Variants in SMARCB1 observed in about 807,000 individuals in gnomAD.
SMARCB1 encodes the protein SWI/SNF-related matrix-associated actin-dependent regulator of chromatin subfamily B member 1.
In SMARCB1, 5 loss-of-function variants were observed where a neutral mutation model predicts 49.0. The ratio of observed to expected loss-of-function variants is 0.10; its 90% CI spans 0.05 to 0.21. The LOEUF (loss-of-function observed/expected upper bound fraction) is 0.21, where lower values mean the gene tolerates loss of function less well. Ranked by LOEUF, SMARCB1 falls within the 10% of genes least tolerant of loss-of-function variation. SMARCB1 has a pLI of 1.00. For synonymous variants in SMARCB1, 201 were observed against 200.1 expected (o/e 1.00, Z -0.04); for missense variants, 226 against 509.2 (o/e 0.44, Z 5.35).
chr22:23,793,264 C>T (rs577847537), intron 2 of SMARCB1: 11 of 470,792 alleles, frequency 2.3e-5, no homozygotes, highest in Non-Finnish European at 3.9e-5. Context: ...GCTGGTCGTG[C>T]TGTATTGTAG....
At chr22:23,821,856 C>T (rs886775181) in intron 6 of SMARCB1, among the ~76,000 whole-genome samples, 13 of 146,432 alleles carry the variant, frequency 8.9e-5, no homozygotes, top group African/African-American at 3.0e-4. Flanking sequence ...CTCACTGACT[C>T]TGTCTCAAAA....
At position 23,822,373 on chromosome 22, in the gene SMARCB1, C is replaced by T. The variant is rs190167114; in HGVS notation, c.796-2852C>T. Among the ~76,000 whole-genome samples the T allele has an allele frequency of 6.6e-5, 10 of 152,292 alleles. No homozygotes were observed. In the East Asian group the frequency reaches 1.9e-3, roughly 29 times the overall value. ...TCAGGGCTGGGGAGGTGGGCAGGGG[C>T]CTGGCCCTGCTGTGCACCTGCTTGG... On this transcript the variant is annotated intron_variant, in intron 6 of 8. Transcript: ENST00000644036.
At chr22:23,802,598 C>G (rs1353257303) in intron 4 of SMARCB1, 1 of 161,884 alleles carries the variant, frequency 6.2e-6, no homozygotes, top group African/African-American at 2.4e-5. Flanking sequence ...GCTCACTTTT[C>G]TCTGTCTTCC....
chr22:23,795,082 A>C (rs907193419), intron 3 of SMARCB1, among the ~76,000 whole-genome samples: 3 of 152,126 alleles, frequency 2.0e-5, no homozygotes, highest in Admixed American at 6.5e-5. Context: ...AGTACAAGGG[A>C]GTAAACAAAC....
At chr22:23,816,988 GTCA>G (rs778091406) in intron 6 of SMARCB1, 52 bp downstream of exon 6, 3 of 1,488,312 alleles carry the variant, frequency 2.0e-6, no homozygotes, top group South Asian at 2.3e-5. Flanking sequence ...CAGGGTGGGT[GTCA>G]TCATGGAGCA....
chr22:23,815,497 G>A (rs4413253), intron 5 of SMARCB1: 67,419 of 151,854 alleles, frequency 0.44, 16,109 homozygotes, highest in Admixed American at 0.55. Context: ...TAGCGCCACT[G>A]CACTCCATCC....
intron 3 of SMARCB1, among the ~76,000 whole-genome samples, chr22:23,796,273 G>A (rs1183936414): frequency 7.2e-5 from 11 of 152,172 alleles, no homozygotes; most frequent in Non-Finnish European, 1.2e-4. Context: ...ATATGGAGTC[G>A]CTTAAGTATC....
chr22:23,808,691 G>A (rs1052328116), intron 5 of SMARCB1, among the ~76,000 whole-genome samples: 23 of 150,798 alleles, frequency 1.5e-4, no homozygotes, highest in African/African-American at 5.6e-4. Context: ...GAACGATATT[G>A]GACATTCTTT....
chr22:23,816,109 GCAAGGC>G (rs573633878), intron 5 of SMARCB1: 117 of 153,802 alleles, frequency 7.6e-4, no homozygotes, highest in Middle Eastern at 6.8e-3. Context: ...GCTTATTCCT[GCAAGGC>G]GTCTTGTCAG....
Position 23,836,512 on chromosome 22 carries a change from T to C in SMARCB1, c.*2332T>C. ...GCCCAAGGCCCTGGTGGGGCCAGGA[T>C]GAGAACCCTGAGCCTGTCACCTGTG... is the stretch of plus-strand genomic sequence containing the variant. On this transcript the variant is annotated 3_prime_UTR_variant, in exon 9 of 9. Coordinates refer to ENST00000644036, the MANE Select transcript of SMARCB1 (RefSeq NM_003073.5). The C allele has an allele frequency of 9.8e-7, 1 of 1,020,554 alleles. No individual in the cohort carries two copies. Among genetic ancestry groups the C allele is most frequent in the Non-Finnish European group, 1.2e-6 (1 of 853,920 alleles). 63.2% of individuals were successfully genotyped at this position (1,020,554 alleles called of 1,614,324 possible).
intron 3 of SMARCB1, among the ~76,000 whole-genome samples, chr22:23,798,153 G>A (rs1325983941): frequency 6.6e-6 from 1 of 152,164 alleles, no homozygotes; most frequent in East Asian, 1.9e-4. Context: ...GCAAATACAG[G>A]CTCAGCTACC....
chr22:23,794,853 G>A (rs1034074243), intron 3 of SMARCB1, among the ~76,000 whole-genome samples: 17 of 152,078 alleles, frequency 1.1e-4, no homozygotes, highest in Non-Finnish European at 2.2e-4. Context: ...AGCTGAGGTT[G>A]CACCTTTGCA....
chr22:23,816,958 A>T (rs2146010760), intron 6 of SMARCB1, 22 bp downstream of exon 6: 1 of 1,608,328 alleles, frequency 6.2e-7, no homozygotes, highest in Non-Finnish European at 8.5e-7. Context: ...CTCACCCAGC[A>T]CTGGAGCCTT....
chr22:23,828,665 C>T (rs1343128801), intron 7 of SMARCB1, among the ~76,000 whole-genome samples: 1 of 152,154 alleles, frequency 6.6e-6, no homozygotes, highest in Non-Finnish European at 1.5e-5. Flanking sequence ...AAAGGGTTTT[C>T]AGCTCTGGAC....
intron 3 of SMARCB1, among the ~76,000 whole-genome samples, chr22:23,796,885 A>G (rs145305137): frequency 2.4e-4 from 36 of 152,314 alleles, no homozygotes; most frequent in African/African-American, 8.7e-4. Flanking sequence ...CTACTCAGTC[A>G]GCCCAATAAG....
chr22:23,808,119 C>T (rs1049275849), intron 5 of SMARCB1, among the ~76,000 whole-genome samples: 2 of 150,428 alleles, frequency 1.3e-5, no homozygotes, highest in African/African-American at 4.9e-5. Context: ...CCAGGCCCGG[C>T]TAATTTTTTG....
At chr22:23,788,464 G>A (rs530941160) in intron 1 of SMARCB1, among the ~76,000 whole-genome samples, 5 of 152,016 alleles carry the variant, frequency 3.3e-5, no homozygotes, top group Non-Finnish European at 7.4e-5. Flanking sequence ...TTTGTGCAGT[G>A]GTGTGATCTC....
rs910564023 is a variant in SMARCB1 at position 23,835,929 on chromosome 22, G to A, written c.*1749G>A. ...CCACAAGGTCTGGCTACAACACGGA[G>A]GGCAGACTCAACAGAGAACAGTGTT... On this transcript the variant is annotated 3_prime_UTR_variant, in exon 9 of 9. Coordinates refer to ENST00000644036, the MANE Select transcript of SMARCB1 (RefSeq NM_003073.5). 2.0e-6 allele frequency: 2 copies of A among 985,494 alleles called. No homozygotes were observed. Among genetic ancestry groups the A allele is most frequent in the Non-Finnish European group, 2.4e-6 (2 of 829,952 alleles). 61.0% of individuals were successfully genotyped at this position (985,494 alleles called of 1,614,324 possible).
In SMARCB1 at chr22:23,835,172, C is replaced by A; in HGVS notation, c.*992C>A. On this transcript the variant is annotated 3_prime_UTR_variant, in exon 9 of 9. Coordinates refer to ENST00000644036, the MANE Select transcript of SMARCB1 (RefSeq NM_003073.5). ...ACACGGTACAGGGAGGAGACACAGC[C>A]CAGGGTCCCTTCCCAGCCCTGCCTC... 4 of 1,286,406 alleles carry A rather than the reference C, an allele frequency of 3.1e-6. No homozygotes were observed. The highest frequency in any genetic ancestry group is 1.5e-5 in the African/African-American group (1 of 65,288). The allele number at this position is 1,286,406 out of a possible 1,614,324, so 79.7% of individuals were successfully genotyped here. A position where few individuals can be genotyped will look rare whatever the true frequency, so the allele number is the denominator to read the frequency against.
Sources: gnomAD v4.1 joint callset for allele counts (sites outside exome capture counted in the v4.1 genomes callset) on GRCh38, gnomAD v4.1.1 for gene constraint, MANE v1.5 for transcripts, NCBI Gene and HGNC (gene_info 2026-07-23, HGNC 2026-07-21) for gene names.